The following CNTNAP2 variants were observed in gnomAD, a reference collection of about 807,000 sequenced individuals.
The protein encoded by CNTNAP2 is contactin-associated protein-like 2.
In CNTNAP2, 98 loss-of-function variants were observed where a neutral mutation model predicts 155.2. The observed-to-expected ratio is 0.63, with a 90% CI of 0.54 to 0.75. The LOEUF is 0.75. Among genes scored for constraint, CNTNAP2 ranks in the 30% least tolerant of loss-of-function variants. The pLI is 0.00. For synonymous variants in CNTNAP2, 651 were observed against 631.2 expected (o/e 1.03, Z -0.47); for missense variants, 1,727 against 1,688.1 (o/e 1.02, Z -0.40).
intron 3 of CNTNAP2, among the ~76,000 whole-genome samples, chr7:146,856,739 C>T (rs1191464997): frequency 1.3e-5 from 2 of 151,970 alleles, no homozygotes; most frequent in Non-Finnish European, 2.9e-5. Flanking sequence ...CATGTAGTGT[C>T]CCATGAAGAA....
chr7:146,391,842 T>TAG lies in CNTNAP2; in HGVS notation c.97+274872_97+274873dup. Among the ~76,000 whole-genome samples the TAG allele has an allele frequency of 3.3e-5, 5 of 152,036 alleles. No homozygotes were observed. In the South Asian group the frequency reaches 1.0e-3, roughly 32 times the overall value. ...ACACACACTGGGACTTTTTGGAGGA[T>TAG]AGAGGGTAGAAGGAAGAGAGGATCA... On this transcript the variant is annotated intron_variant, in intron 1 of 23. Coordinates refer to ENST00000361727, the MANE Select transcript of CNTNAP2 (RefSeq NM_014141.6).
intron 15 of CNTNAP2, among the ~76,000 whole-genome samples, chr7:148,080,579 T>C (rs1585115149): frequency 7.8e-6 from 1 of 128,400 alleles, no homozygotes; most frequent in East Asian, 2.2e-4. Context: ...CACTCCAGCC[T>C]GGGCAACAGA....
chr7:146,908,179 T>G (rs999803406), intron 3 of CNTNAP2, among the ~76,000 whole-genome samples: 39 of 152,240 alleles, frequency 2.6e-4, no homozygotes, highest in African/African-American at 8.9e-4. Flanking sequence ...CAAAGAGACT[T>G]AGACTCCCAA....
intron 1 of CNTNAP2, among the ~76,000 whole-genome samples, chr7:146,544,544 A>T (rs1798000856): frequency 6.6e-6 from 1 of 152,074 alleles, no homozygotes. Flanking sequence ...CCCCCATAGA[A>T]ATAAGGAATA....
chr7:146,694,138 A>G (rs1016880818), intron 1 of CNTNAP2, among the ~76,000 whole-genome samples: 1 of 152,226 alleles, frequency 6.6e-6, no homozygotes, highest in Non-Finnish European at 1.5e-5. Flanking sequence ...AAGAAAGGTA[A>G]GTGATGAACT....
chr7:147,602,891 G>A (rs1393242042), intron 12 of CNTNAP2, among the ~76,000 whole-genome samples: 1 of 151,932 alleles, frequency 6.6e-6, no homozygotes, highest in Non-Finnish European at 1.5e-5. Context: ...GTCTATCATT[G>A]TTGGACATTT....
At chr7:147,378,396 G>C (rs570036667) in intron 9 of CNTNAP2, among the ~76,000 whole-genome samples, 1 of 151,828 alleles carries the variant, frequency 6.6e-6, no homozygotes, top group South Asian at 2.1e-4. Flanking sequence ...AGAATTCATC[G>C]TATACACAAC....
chr7:147,861,022 A>G (rs4726892), intron 13 of CNTNAP2, among the ~76,000 whole-genome samples: 95,010 of 151,424 alleles, frequency 0.63, 30,397 homozygotes, highest in South Asian at 0.74. Flanking sequence ...TCACTAGTCT[A>G]CTAAATTGAA....
intron 9 of CNTNAP2, among the ~76,000 whole-genome samples, chr7:147,370,078 A>G (rs558976844): frequency 1.3e-5 from 2 of 152,216 alleles, no homozygotes; most frequent in African/African-American, 4.8e-5. Flanking sequence ...TATTTCCTAC[A>G]TGGTTGCAGT....
At chr7:146,698,841 A>G (rs868479945) in intron 1 of CNTNAP2, among the ~76,000 whole-genome samples, 4 of 152,174 alleles carry the variant, frequency 2.6e-5, no homozygotes, top group Middle Eastern at 3.4e-3. Flanking sequence ...TTACATTGTA[A>G]TTTAGAAAGT....
intron 21 of CNTNAP2, among the ~76,000 whole-genome samples, chr7:148,291,387 G>A (rs2116481331): frequency 6.6e-6 from 1 of 152,040 alleles, no homozygotes; most frequent in Non-Finnish European, 1.5e-5. Flanking sequence ...GCAGGCTGAA[G>A]AGCAAGGAGA....
At chr7:146,130,574 T>G (rs1797699589) in intron 1 of CNTNAP2, among the ~76,000 whole-genome samples, 1 of 152,244 alleles carries the variant, frequency 6.6e-6, no homozygotes, top group Non-Finnish European at 1.5e-5. Flanking sequence ...CTTTGATAAT[T>G]TAACACATAT....
Position 146,192,313 on chromosome 7 carries a change from C to G in CNTNAP2, c.97+75340C>G, listed in dbSNP as rs116387386. ...TTAGCCTGCCCCCCAAAAAAGCATT[C>G]TAGTTTCTTTTCACAACATACTGCT... is the stretch of plus-strand genomic sequence containing the variant. On this transcript the variant is annotated intron_variant, in intron 1 of 23. Coordinates refer to ENST00000361727, the MANE Select transcript of CNTNAP2 (RefSeq NM_014141.6). 5.2e-3 allele frequency among the ~76,000 whole-genome samples: 787 copies of G among 152,226 alleles called. 6 individuals are homozygous for G. Among genetic ancestry groups the G allele is most frequent in the Middle Eastern group, 0.017 (5 of 294 alleles).
At chr7:148,313,957 T>G (rs1797641107) in intron 21 of CNTNAP2, among the ~76,000 whole-genome samples, 1 of 152,144 alleles carries the variant, frequency 6.6e-6, no homozygotes. Flanking sequence ...GACTATGCCT[T>G]TAGCTCCAGC....
At chr7:148,144,628 A>G (rs1372714283) in intron 16 of CNTNAP2, among the ~76,000 whole-genome samples, 1 of 152,220 alleles carries the variant, frequency 6.6e-6, no homozygotes, top group Non-Finnish European at 1.5e-5. Flanking sequence ...CCAGTTCTTG[A>G]TACTCATGGA....
intron 8 of CNTNAP2, among the ~76,000 whole-genome samples, chr7:147,220,597 CCTTT>C (rs1262585719): frequency 1.3e-5 from 2 of 152,102 alleles, no homozygotes; most frequent in Non-Finnish European, 2.9e-5. Context: ...GTATTTGTTG[CCTTT>C]CTTTGTTCCT....
intron 8 of CNTNAP2, among the ~76,000 whole-genome samples, chr7:147,144,786 T>C (rs1203173958): frequency 1.3e-5 from 2 of 152,192 alleles, no homozygotes; most frequent in African/African-American, 4.8e-5. Context: ...CCAATAGGCA[T>C]CAATATTGAA....
intron 17 of CNTNAP2, among the ~76,000 whole-genome samples, chr7:148,154,382 T>A (rs958180280): frequency 6.6e-6 from 1 of 152,152 alleles, no homozygotes; most frequent in Non-Finnish European, 1.5e-5. Context: ...CAGACTGAAA[T>A]GTTATAACCA....
chr7:147,078,412 A>G (rs1800037179), intron 4 of CNTNAP2, among the ~76,000 whole-genome samples: 6 of 152,238 alleles, frequency 3.9e-5, no homozygotes, highest in Non-Finnish European at 7.3e-5. Context: ...TAAACTGCAT[A>G]TGCATTAAAC....
Sources: gnomAD v4.1 joint callset for allele counts (sites outside exome capture counted in the v4.1 genomes callset) on GRCh38, gnomAD v4.1.1 for gene constraint, MANE v1.5 for transcripts, NCBI Gene and HGNC (gene_info 2026-07-23, HGNC 2026-07-21) for gene names.